Variants in ZNF836 observed in about 807,000 individuals in gnomAD.
ZNF836 encodes zinc finger protein 836.
ZNF836 carries 12 observed loss-of-function variants against 7.4 expected under a neutral mutation model. The ratio of observed to expected loss-of-function variants is 1.61; its 90% CI spans 1.03 to 2.61. ZNF836 has a LOEUF of 2.61. Among genes scored for constraint, ZNF836 ranks in the 30% most tolerant of loss-of-function variants. The pLI is 0.00. For synonymous variants in ZNF836, 365 were observed against 382.6 expected (o/e 0.95, Z 0.54); for missense variants, 998 against 1,126.2 (o/e 0.89, Z 1.63).
At position 52,166,752 on chromosome 19, in the gene ZNF836, T is replaced by G. The variant is rs544246992; in HGVS notation, c.15+1306A>C. 2.0e-5 allele frequency among the ~76,000 whole-genome samples: 3 copies of G among 151,584 alleles called. No homozygotes were observed. The East Asian group carries it at 5.9e-4, about 30-fold the overall frequency. ...CCACGCCCAGCTAATTTTTTTTTTT[T>G]TATTTTTTAGTAGAGACGGGGTTTC... On this transcript the variant is annotated intron_variant, in intron 3 of 4. Transcript: ENST00000682614.
In ZNF836 at chr19:52,156,544, T is replaced by C; in HGVS notation, c.1139A>G (p.His380Arg). The change falls in exon 5 of 5, where the codon CAC (histidine) becomes CGC (arginine). Residue 380 changes from histidine (H) to arginine (R), a missense_variant. His to Arg is a conservative substitution (Grantham distance 29, BLOSUM62 0). Transcript: ENST00000682614. ...GCATTTGTATGGTTTCTCTCCAGTG[T>C]GGATTCTCTGGTGATTTACAAGATT... Reference protein sequence around the residue: ...NSNLVNHQRIHTGEKPYKCNI... With the variant: ...NSNLVNHQRIRTGEKPYKCNI... 6.2e-7 allele frequency: 1 copy of C among 1,614,166 alleles called. No homozygotes were observed. The highest frequency in any genetic ancestry group is 8.5e-7 in the Non-Finnish European group (1 of 1,180,022).
chr19:52,168,504 C>A (rs919706552), intron 2 of ZNF836, among the ~76,000 whole-genome samples: 2 of 150,594 alleles, frequency 1.3e-5, no homozygotes, highest in African/African-American at 4.9e-5. Context: ...AGGAGAATTG[C>A]TTGAACCTGG....
Position 52,161,529 on chromosome 19 carries a change from G to A in ZNF836, c.16-938C>T, listed in dbSNP as rs2089212599. ...ATAAGCCTTTTGATATCTCATTGAC[G>A]AGAACACCATACCCACTGATAAAGG... On this transcript the variant is annotated intron_variant, in intron 3 of 4. Coordinates refer to ENST00000682614, the MANE Select transcript of ZNF836 (RefSeq NM_001102657.3). This position sits in a 1 kb window ranked among gnomAD's most constrained non-coding sequence, Gnocchi z 4.1. 6.6e-6 allele frequency among the ~76,000 whole-genome samples: 1 copy of A among 151,916 alleles called. No homozygotes were observed. The highest frequency in any genetic ancestry group is 1.5e-5 in the Non-Finnish European group (1 of 68,014).
At chr19:52,170,989 C>A (rs559984971) in intron 1 of ZNF836, among the ~76,000 whole-genome samples, 145 of 152,262 alleles carry the variant, frequency 9.5e-4, no homozygotes, top group African/African-American at 3.3e-3. Context: ...CGAAAGGACC[C>A]GGCGTGAGGA....
intron 3 of ZNF836, among the ~76,000 whole-genome samples, chr19:52,167,472 CAAA>C (rs1165727472): frequency 2.3e-5 from 1 of 44,124 alleles, no homozygotes; most frequent in Non-Finnish European, 3.9e-5. Flanking sequence ...AACTCCGTCT[CAAA>C]AAAAAAAAAA....
At chr19:52,162,581 G>A (rs969099392) in intron 3 of ZNF836, among the ~76,000 whole-genome samples, 2 of 152,182 alleles carry the variant, frequency 1.3e-5, no homozygotes, top group East Asian at 1.9e-4. Context: ...TTGGAAGAAG[G>A]GGCCAGGGGG....
rs368609605 is a variant in ZNF836 at position 52,155,690 on chromosome 19, G to A, written c.1993C>T (p.Pro665Ser). ...TTGCCACAATCATTACATTTGTAAG[G>A]TTTCTCTCCGGTATGAATTTTCCGA... ...RHRKIHTGEK[P>S]YKCNDCGKAY... Residue 665 changes from proline (P) to serine (S), a missense_variant, in exon 5 of 5, where the codon CCT (proline) becomes TCT (serine). Pro to Ser is a moderately conservative substitution (Grantham distance 74, BLOSUM62 -1). Transcript: ENST00000682614. The A allele has an allele frequency of 3.7e-6, 6 of 1,614,058 alleles. No individual in the cohort carries two copies. The African/African-American group carries it at 6.7e-5, about 18-fold the overall frequency.
chr19:52,155,831 C>T lies in ZNF836; in HGVS notation c.1852G>A (p.Val618Ile). 6.2e-7 allele frequency: 1 copy of T among 1,614,004 alleles called. No homozygotes were observed. Among genetic ancestry groups the T allele is most frequent in the Non-Finnish European group, 8.5e-7 (1 of 1,179,900 alleles). The change falls in exon 5 of 5, where the codon GTC becomes ATC. Residue 618 changes from valine (V) to isoleucine (I), a missense_variant. Physicochemically the swap from Val to Ile is conservative, Grantham distance 29. Transcript: ENST00000682614. ...KPYKCNVCGK[V>I]FNDSGNLSNH... is the part of the protein sequence containing the mutation. ...GAAAGGTTTCCACTGTCATTGAAGA[C>T]CTTGCCACACACATTACATTTGTAA...
At chr19:52,169,116 T>A (rs1163095863) in intron 2 of ZNF836, among the ~76,000 whole-genome samples, 1 of 152,112 alleles carries the variant, frequency 6.6e-6, no homozygotes, top group Non-Finnish European at 1.5e-5. Flanking sequence ...AGGGTGAAAG[T>A]TTAAAAAAAT....
At position 52,161,708 on chromosome 19, in the gene ZNF836, T is replaced by G. The variant is rs1231331094; in HGVS notation, c.16-1117A>C. ...CCACCCCTGGCCCCCAAAATTGATA[T>G]ACTTCTCACAAACAAAATACATTCT... On this transcript the variant is annotated intron_variant, in intron 3 of 4. Transcript: ENST00000682614. This position sits in a 1 kb window ranked among gnomAD's most constrained non-coding sequence, Gnocchi z 4.1. Among the ~76,000 whole-genome samples the G allele has an allele frequency of 6.6e-6, 1 of 151,374 alleles. No homozygotes were observed. The highest frequency in any genetic ancestry group is 1.5e-5 in the Non-Finnish European group (1 of 67,930).
Position 52,168,043 on chromosome 19 carries a change from A to C in ZNF836, c.15+15T>G. On this transcript the variant is annotated intron_variant, in intron 3 of 4. Transcript: ENST00000682614. ...AGGAAGGAGACAGAATGATCCACTAAGAATATCATTTTACCTGTGTAAGAG... is the reference window on the plus strand; with the variant it reads ...AGGAAGGAGACAGAATGATCCACTACGAATATCATTTTACCTGTGTAAGAG... 6.3e-7 allele frequency: 1 copy of C among 1,583,802 alleles called. No individual in the cohort carries two copies. Among genetic ancestry groups the C allele is most frequent in the Non-Finnish European group, 8.7e-7 (1 of 1,153,376 alleles).
In ZNF836 at chr19:52,167,534, T is replaced by C. The variant is rs111334648; in HGVS notation, c.15+524A>G. On this transcript the variant is annotated intron_variant, in intron 3 of 4. Coordinates refer to ENST00000682614, the MANE Select transcript of ZNF836 (RefSeq NM_001102657.3). ...ATAAACACCCTCTATCACTGACGTGTGTATCTAATTGTCCATTCCATTCCC... is the reference window on the plus strand; with the variant it reads ...ATAAACACCCTCTATCACTGACGTGCGTATCTAATTGTCCATTCCATTCCC... 1.5e-3 allele frequency among the ~76,000 whole-genome samples: 230 copies of C among 150,390 alleles called. 2 individuals carry two copies. The highest frequency in any genetic ancestry group is 5.5e-3 in the African/African-American group (223 of 40,898).
chr19:52,156,742 C>A lies in ZNF836; in HGVS notation c.941G>T (p.Ser314Ile), dbSNP rs200609068. The A allele has an allele frequency of 3.1e-4, 503 of 1,606,724 alleles. 2 individuals carry two copies. The highest frequency in any genetic ancestry group is 4.1e-4 in the Non-Finnish European group (482 of 1,175,046). ...TCTCTGATGTATTGCAAGGTTATAACTTTGACTAAAGGACTTGCCACATTC... is the reference window on the plus strand; with the variant it reads ...TCTCTGATGTATTGCAAGGTTATAAATTTGACTAAAGGACTTGCCACATTC... Reference protein sequence around the residue: ...CNECGKSFSQSYNLAIHQRIH... With the variant: ...CNECGKSFSQIYNLAIHQRIH... Residue 314 changes from serine to isoleucine, a missense_variant, in exon 5 of 5, where the codon AGT becomes ATT. By Grantham distance (142) the Ser-to-Ile change is moderately radical. Transcript: ENST00000682614.
intron 3 of ZNF836, among the ~76,000 whole-genome samples, chr19:52,162,845 C>T (rs59896447): frequency 0.043 from 6,588 of 152,272 alleles, 473 homozygotes; most frequent in African/African-American, 0.15. Context: ...AGTTTGCCCA[C>T]ATCCTGCATT....
chr19:52,170,257 T>A (rs577779443), intron 1 of ZNF836: 1 of 152,342 alleles, frequency 6.6e-6, no homozygotes, highest in African/African-American at 2.4e-5. Flanking sequence ...CTCGTAGCTC[T>A]TTCTCCCCAA....
At position 52,160,034 on chromosome 19, in the gene ZNF836, T is replaced by A. The variant is rs914515755; in HGVS notation, c.142+431A>T. On this transcript the variant is annotated intron_variant, in intron 4 of 4. Coordinates refer to ENST00000682614, the MANE Select transcript of ZNF836 (RefSeq NM_001102657.3). Reference sequence around the variant, plus strand: ...TCCGTCACTACTAAAATACAAAAAATTAGCCGGGAGTGGTGGTGTGAGCCT... The same window carrying A: ...TCCGTCACTACTAAAATACAAAAAAATAGCCGGGAGTGGTGGTGTGAGCCT... Among the ~76,000 whole-genome samples the A allele has an allele frequency of 2.6e-5, 4 of 151,638 alleles. No individual in the cohort carries two copies. The East Asian group carries it at 7.8e-4, about 29-fold the overall frequency.
In ZNF836 at chr19:52,155,907, C is replaced by T. The variant is rs2089152564; in HGVS notation, c.1776G>A (p.Arg592=). The T allele has an allele frequency of 1.4e-5, 22 of 1,611,574 alleles. No homozygotes were observed. In the East Asian group the frequency reaches 4.7e-4, roughly 34 times the overall value. ...FQCNECGTVF[R]NYSCLARHLR... is the part of the protein sequence containing the mutation. ...GATGACGTGCTAGGCATGAGTAGTTCCTGAAGACTGTGCCACATTCATTAC... is the reference window on the plus strand; with the variant it reads ...GATGACGTGCTAGGCATGAGTAGTTTCTGAAGACTGTGCCACATTCATTAC... Residue 592 remains arginine, a synonymous_variant, in exon 5 of 5, where the codon AGG becomes AGA. Transcript: ENST00000682614.
intron 3 of ZNF836, among the ~76,000 whole-genome samples, chr19:52,165,798 G>C (rs1211596756): frequency 6.6e-6 from 1 of 152,004 alleles, no homozygotes; most frequent in East Asian, 1.9e-4. Flanking sequence ...CTACTACTAT[G>C]TTTCTTTTAG....
In ZNF836 at chr19:52,160,455, T is replaced by C. The variant is rs370403764; in HGVS notation, c.142+10A>G. The C allele has an allele frequency of 2.3e-5, 37 of 1,613,952 alleles. No homozygotes were observed. The African/African-American group carries it at 4.1e-4, about 18-fold the overall frequency. On this transcript the variant is annotated intron_variant, in intron 4 of 4. Transcript: ENST00000682614. ...GCAGATCTTAACTTCTAGAGCAAAA[T>C]TATCCTTACCCAGGAAGACCAGGTT...
Sources: allele counts gnomAD v4.1 joint callset (sites outside exome capture counted in the v4.1 genomes callset), GRCh38; gene constraint gnomAD v4.1.1; non-coding constraint Gnocchi (gnomAD v3.1); transcripts MANE v1.5; gene names NCBI Gene and HGNC (gene_info 2026-07-23, HGNC 2026-07-21).